The following DNAJB11 variants were observed in gnomAD, a reference collection of about 807,000 sequenced individuals.
DNAJB11 encodes DnaJ heat shock protein family (Hsp40) member B11, also known as dnaJ homolog subfamily B member 11.
In DNAJB11, 30 loss-of-function variants were observed where a neutral mutation model predicts 47.2. The observed-to-expected ratio is 0.64, with a 90% CI of 0.48 to 0.86. DNAJB11 has a LOEUF of 0.86. Ranked by LOEUF, DNAJB11 falls within the 40% of genes least tolerant of loss-of-function variation. The pLI, the probability that DNAJB11 is intolerant of heterozygous loss-of-function variation, is 0.00. For missense variants in DNAJB11, 357 were observed against 440.2 expected (o/e 0.81, Z 1.69); for synonymous variants, 151 against 159.9 (o/e 0.94, Z 0.42).
chr3:186,571,022 T>TGGGGTGGGGGGGGGGGG, intron 1 of DNAJB11, 57 bp downstream of exon 1: 1 of 208,312 alleles, frequency 4.8e-6, no homozygotes, highest in African/African-American at 5.6e-5. Context: ...TGCTGGGGGG[T>TGGGGTGGGGGGGGGGGG]GGGAGGGGGT....
intron 3 of DNAJB11, among the ~76,000 whole-genome samples, chr3:186,577,403 T>C (rs1207517979): frequency 6.6e-6 from 1 of 152,236 alleles, no homozygotes; most frequent in African/African-American, 2.4e-5. Context: ...TGTGTGTGTA[T>C]GTACTGTACT....
chr3:186,581,960 T>G (rs1285760047), intron 5 of DNAJB11, 35 bp from the exon 6 acceptor site: 2 of 1,528,228 alleles, frequency 1.3e-6, no homozygotes, highest in African/African-American at 1.4e-5. Context: ...TATATTTTCA[T>G]TATTTTTCTC....
chr3:186,575,555 C>G (rs1395529169), intron 2 of DNAJB11, among the ~76,000 whole-genome samples: 1 of 152,182 alleles, frequency 6.6e-6, no homozygotes, highest in Non-Finnish European at 1.5e-5. Flanking sequence ...CTGACCTTCA[C>G]AGCTGCATTG....
In DNAJB11 at chr3:186,573,902, C is replaced by T. The variant is rs151038388; in HGVS notation, c.225+1651C>T. ...TACCATGCTCTCTAAAGAATCTTCA[C>T]GTTCTTTATCAATGACCTAGGCAGG... On this transcript the variant is annotated intron_variant, in intron 2 of 9. Transcript: ENST00000265028. Among the ~76,000 whole-genome samples the T allele has an allele frequency of 1.3e-3, 191 of 152,308 alleles. 1 individual carries two copies. The highest frequency in any genetic ancestry group is 4.4e-3 in the African/African-American group (183 of 41,564).
chr3:186,585,624 C>T lies in DNAJB11; in HGVS notation c.*216C>T, dbSNP rs1452672747. The T allele has an allele frequency of 3.0e-6, 1 of 337,750 alleles. No homozygotes were observed. Among genetic ancestry groups the T allele is most frequent in the Admixed American group, 4.9e-5 (1 of 20,434 alleles). The allele number at this position is 337,750 out of a possible 1,614,324, so 20.9% of individuals were successfully genotyped here. A position where few individuals can be genotyped will look rare whatever the true frequency, so the allele number is the denominator to read the frequency against. On this transcript the variant is annotated 3_prime_UTR_variant, in exon 10 of 10. Coordinates refer to ENST00000265028, the MANE Select transcript of DNAJB11 (RefSeq NM_016306.6). ...CAGCAAAAGGTTTACTAATACCTCT[C>T]CCTTTGGGGATTTAATGTCTGGTGC...
At chr3:186,581,098 TA>T (rs1715466639) in intron 4 of DNAJB11, 2 of 340,768 alleles carry the variant, frequency 5.9e-6, no homozygotes, top group Non-Finnish European at 1.1e-5. Context: ...GCTGATATCA[TA>T]CACTTTATTT....
Position 186,582,069 on chromosome 3 carries a change from T to C in DNAJB11, c.674T>C (p.Ile225Thr), listed in dbSNP as rs200565661. ...AGAGACGGCATGGAGTACCCCTTTA[T>C]TGGAGAAGGTGAAATATTGATATTT... ...GVRDGMEYPF[I>T]GEGEPHVDGE... Residue 225 changes from isoleucine (I) to threonine (T), a missense_variant, in exon 6 of 10, where the codon ATT (isoleucine) becomes ACT (threonine). Ile to Thr is a moderately conservative substitution (Grantham distance 89, BLOSUM62 -1). Transcript: ENST00000265028. The C allele has an allele frequency of 3.7e-6, 6 of 1,612,370 alleles. No individual in the cohort carries two copies. The highest frequency in any genetic ancestry group is 4.5e-5 in the East Asian group (2 of 44,856).
intron 3 of DNAJB11, among the ~76,000 whole-genome samples, chr3:186,577,461 G>A (rs1715338052): frequency 6.6e-6 from 1 of 152,066 alleles, no homozygotes; most frequent in South Asian, 2.1e-4. Context: ...TTTGTAGTAA[G>A]GGACCGTATA....
intron 4 of DNAJB11, chr3:186,580,938 T>A (rs1412712206): frequency 6.5e-6 from 1 of 153,092 alleles, no homozygotes; most frequent in Non-Finnish European, 1.5e-5. Context: ...TTCAGTAGGT[T>A]AACCAGAGGA....
chr3:186,573,528 G>A (rs189876209), intron 2 of DNAJB11, among the ~76,000 whole-genome samples: 15 of 152,076 alleles, frequency 9.9e-5, no homozygotes, highest in Non-Finnish European at 1.3e-4. Context: ...TGGGACTACA[G>A]CTGTGCACCA....
At chr3:186,584,837 G>T (rs145340944) in intron 9 of DNAJB11, among the ~76,000 whole-genome samples, 33 of 152,224 alleles carry the variant, frequency 2.2e-4, no homozygotes, top group African/African-American at 7.7e-4. Context: ...TAGAGTATAT[G>T]GGAGTGAAAC....
chr3:186,580,777 C>T (rs1487586589), intron 4 of DNAJB11: 1 of 152,188 alleles, frequency 6.6e-6, no homozygotes, highest in East Asian at 1.9e-4. Flanking sequence ...GCATATATAT[C>T]AATTTTACAT....
intron 1 of DNAJB11, among the ~76,000 whole-genome samples, chr3:186,571,761 T>C (rs1028783087): frequency 6.6e-6 from 1 of 152,194 alleles, no homozygotes; most frequent in Non-Finnish European, 1.5e-5. Context: ...TTTGATTATA[T>C]GGTTATTGCC....
chr3:186,581,782 G>C (rs531125426), intron 5 of DNAJB11, among the ~76,000 whole-genome samples: 6 of 151,900 alleles, frequency 3.9e-5, no homozygotes, highest in African/African-American at 1.4e-4. Flanking sequence ...TGTACTATTA[G>C]AGCAGCCTTA....
At chr3:186,571,032 T>TTTGGGGGGGGGGGGGGGGGGGGG in intron 1 of DNAJB11, 67 bp downstream of exon 1, 1 of 202,004 alleles carries the variant, frequency 5.0e-6, no homozygotes. Context: ...TGGGAGGGGG[T>TTTGGGGGGGGGGGGGGGGGGGGG]GGGGGAAGTG....
intron 2 of DNAJB11, among the ~76,000 whole-genome samples, chr3:186,575,463 T>C (rs1421788746): frequency 3.3e-5 from 5 of 151,932 alleles, no homozygotes; most frequent in Non-Finnish European, 7.4e-5. Context: ...GGCAGTATAG[T>C]GGTTAACAGC....
Position 186,574,527 on chromosome 3 carries a change from A to G in DNAJB11, c.226-1313A>G, listed in dbSNP as rs546386661. Among the ~76,000 whole-genome samples the G allele has an allele frequency of 8.8e-4, 131 of 148,970 alleles. 1 individual carries two copies. The highest frequency in any genetic ancestry group is 3.0e-3 in the African/African-American group (120 of 40,312). ...CCATTTCTGCTTCCCCAAAGTACCT[A>G]TTTTCTAAAGATACTTGTGAAAACA... On this transcript the variant is annotated intron_variant, in intron 2 of 9. Transcript: ENST00000265028.
In DNAJB11 at chr3:186,583,255, C is replaced by T. The variant is rs116801945; in HGVS notation, c.740+482C>T. ...GCTCTCTTGTTACCACTTTGGAAAC[C>T]AGTAATATCTCTGCCTTTGTAAGGA... is the stretch of plus-strand genomic sequence containing the variant. On this transcript the variant is annotated intron_variant, in intron 7 of 9. Coordinates refer to ENST00000265028, the MANE Select transcript of DNAJB11 (RefSeq NM_016306.6). 5.4e-3 allele frequency among the ~76,000 whole-genome samples: 822 copies of T among 152,316 alleles called. 9 individuals carry two copies. The highest frequency in any genetic ancestry group is 0.018 in the African/African-American group (764 of 41,552).
At chr3:186,582,943 C>T (rs967307082) in intron 7 of DNAJB11, among the ~76,000 whole-genome samples, 170 bp downstream of exon 7, 17 of 152,068 alleles carry the variant, frequency 1.1e-4, no homozygotes, top group Admixed American at 4.6e-4. Context: ...TAGGATTGAG[C>T]CCCAGTTATT....
Sources: allele counts gnomAD v4.1 joint callset (sites outside exome capture counted in the v4.1 genomes callset), GRCh38; gene constraint gnomAD v4.1.1; transcripts MANE v1.5; gene names NCBI Gene and HGNC (gene_info 2026-07-23, HGNC 2026-07-21).